KLF12: variants seen among roughly 807,000 people sequenced by gnomAD.
KLF12 encodes the protein KLF transcription factor 12.
KLF12 carries 9 observed loss-of-function variants against 37.8 expected under a neutral mutation model. That is an observed-to-expected ratio of 0.24 (90% CI 0.14 to 0.42). The LOEUF is 0.42. Among genes scored for constraint, KLF12 ranks in the 10% least tolerant of loss-of-function variants. The pLI is 1.00. For synonymous variants in KLF12, 208 were observed against 202.1 expected (o/e 1.03, Z -0.25); for missense variants, 411 against 516.0 (o/e 0.80, Z 1.97).
At chr13:73,746,068 C>CAA (rs10568862) in intron 6 of KLF12, among the ~76,000 whole-genome samples, 8 of 130,950 alleles carry the variant, frequency 6.1e-5, no homozygotes, top group Admixed American at 2.4e-4. Context: ...AGGAAACCAC[C>CAA]AAAAAAAAAA....
chr13:74,085,630 T>G (rs547273065), intron 1 of KLF12, among the ~76,000 whole-genome samples: 23 of 152,282 alleles, frequency 1.5e-4, no homozygotes, highest in Non-Finnish European at 2.8e-4. Context: ...CAACCAGACA[T>G]TTGTAATACT....
At position 73,838,748 on chromosome 13, in the gene KLF12, A is replaced by G. The variant is rs375267427; in HGVS notation, c.670+7079T>C. Among the ~76,000 whole-genome samples the G allele has an allele frequency of 7.2e-5, 11 of 152,316 alleles. No homozygotes were observed. The East Asian group carries it at 1.5e-3, about 21-fold the overall frequency. ...GAGCTGGGCTCTTTTTCTTCAAGCA[A>G]TCTATTTTATTACCGTCATCTGGAC... is the stretch of plus-strand genomic sequence containing the variant. On this transcript the variant is annotated intron_variant, in intron 4 of 7. Transcript: ENST00000377669.
At position 73,994,972 on chromosome 13, in the gene KLF12, A is replaced by G. The variant is rs1182734545; in HGVS notation, c.33+18T>C. 1 of 1,539,206 alleles carries G rather than the reference A, an allele frequency of 6.5e-7. No individual in the cohort carries two copies. Among genetic ancestry groups the G allele is most frequent in the Non-Finnish European group, 9.0e-7 (1 of 1,112,568 alleles). On this transcript the variant is annotated intron_variant, in intron 2 of 7. Transcript: ENST00000377669. ...GTAGCAATATTTTCAATGCAATTTT[A>G]ACATCTGACTAACCAACCTTTATTG...
chr13:73,804,455 C>T (rs1345015389), intron 5 of KLF12, among the ~76,000 whole-genome samples: 1 of 151,932 alleles, frequency 6.6e-6, no homozygotes, highest in African/African-American at 2.4e-5. Flanking sequence ...TGAAGAGGGA[C>T]CATCACTGTC....
intron 1 of KLF12, among the ~76,000 whole-genome samples, chr13:74,089,803 G>GA (rs35244601): frequency 0.017 from 2,039 of 117,714 alleles, 103 homozygotes; most frequent in Admixed American, 0.11. Flanking sequence ...CATGCAGGGG[G>GA]AAAAAAAAAA....
intron 1 of KLF12, among the ~76,000 whole-genome samples, chr13:74,108,030 C>T (rs1876751638): frequency 1.3e-5 from 2 of 152,116 alleles, no homozygotes; most frequent in South Asian, 4.1e-4. Flanking sequence ...TTTCAATGTA[C>T]TATTAAGTCA....
At chr13:74,053,516 A>C (rs1021988182) in intron 1 of KLF12, among the ~76,000 whole-genome samples, 2 of 152,306 alleles carry the variant, frequency 1.3e-5, no homozygotes, top group East Asian at 3.9e-4. Flanking sequence ...TGAGGAAACT[A>C]AAGTATAGAG....
the KLF12 span, among the ~76,000 whole-genome samples, chr13:74,251,935 C>G: frequency 9.2e-5 from 14 of 152,216 alleles, no homozygotes; most frequent in African/African-American, 3.4e-4. Flanking sequence ...TCTAATTCTG[C>G]TAGGCTGAGT....
At chr13:74,265,524 A>T in the KLF12 span, among the ~76,000 whole-genome samples, 1 of 152,232 alleles carries the variant, frequency 6.6e-6, no homozygotes, top group African/African-American at 2.4e-5. Context: ...GAAGAAAAGA[A>T]TATAAGTAGA....
intron 2 of KLF12, among the ~76,000 whole-genome samples, chr13:73,952,214 T>C (rs911284984): frequency 6.6e-6 from 1 of 152,200 alleles, no homozygotes; most frequent in Admixed American, 6.5e-5. Flanking sequence ...TCTAAAGAAC[T>C]ACCGGATACC....
the KLF12 span, among the ~76,000 whole-genome samples, chr13:74,189,350 C>T: frequency 6.6e-6 from 1 of 152,094 alleles, no homozygotes; most frequent in Non-Finnish European, 1.5e-5. Flanking sequence ...AATAGCTTTC[C>T]TTCCCAAAGA....
chr13:73,976,950 A>C (rs1047511902), intron 2 of KLF12, among the ~76,000 whole-genome samples: 1 of 152,206 alleles, frequency 6.6e-6, no homozygotes, highest in Non-Finnish European at 1.5e-5. Flanking sequence ...GAGACTGGCC[A>C]AGCAAAAATC....
chr13:73,722,003 T>A (rs17291416), intron 6 of KLF12, among the ~76,000 whole-genome samples: 5,580 of 152,270 alleles, frequency 0.037, 107 homozygotes, highest in South Asian at 0.099. Context: ...TTATTTACAA[T>A]TGTACCAAAA....
intron 1 of KLF12, among the ~76,000 whole-genome samples, chr13:74,016,223 GAA>G (rs1892685010): frequency 1.3e-5 from 2 of 152,010 alleles, no homozygotes; most frequent in African/African-American, 4.8e-5. Flanking sequence ...ATTTACATGC[GAA>G]AGATATTCAT....
intron 1 of KLF12, among the ~76,000 whole-genome samples, chr13:74,126,640 CA>C (rs1877959769): frequency 6.6e-6 from 1 of 152,060 alleles, no homozygotes; most frequent in South Asian, 2.1e-4. Context: ...AGGTAAAAAG[CA>C]ATAAAATTTT....
intron 4 of KLF12, among the ~76,000 whole-genome samples, chr13:73,814,446 T>C (rs1482351974): frequency 6.6e-6 from 1 of 152,212 alleles, no homozygotes; most frequent in African/African-American, 2.4e-5. Context: ...TTGTGTCTAA[T>C]ATTTACAGTC....
the KLF12 span, among the ~76,000 whole-genome samples, chr13:74,221,157 C>A: frequency 6.6e-6 from 1 of 151,918 alleles, no homozygotes; most frequent in Non-Finnish European, 1.5e-5. Flanking sequence ...AGCACCGCCG[C>A]CACCACGCCC....
At chr13:74,056,539 T>G (rs1044618712) in intron 1 of KLF12, among the ~76,000 whole-genome samples, 1 of 152,208 alleles carries the variant, frequency 6.6e-6, no homozygotes, top group Non-Finnish European at 1.5e-5. Flanking sequence ...CGATTTAACA[T>G]GAAGAGCTCC....
intron 1 of KLF12, among the ~76,000 whole-genome samples, chr13:74,074,000 A>T (rs561744135): frequency 6.6e-6 from 1 of 152,264 alleles, no homozygotes; most frequent in South Asian, 2.1e-4. Context: ...AATATACATA[A>T]CCCAGCAATC....
Sources: allele counts gnomAD v4.1 joint callset (sites outside exome capture counted in the v4.1 genomes callset), GRCh38; gene constraint gnomAD v4.1.1; transcripts MANE v1.5; gene names NCBI Gene and HGNC (gene_info 2026-07-23, HGNC 2026-07-21).